PCDHA11: variants seen among roughly 807,000 people sequenced by gnomAD.
The protein encoded by PCDHA11 is protocadherin alpha 11, also known as protocadherin alpha-11.
A neutral mutation model predicts 70.3 loss-of-function variants in PCDHA11; 61 were observed. The ratio of observed to expected loss-of-function variants is 0.87; its 90% CI spans 0.71 to 1.07. The LOEUF (loss-of-function observed/expected upper bound fraction) is 1.07, where lower values mean the gene tolerates loss of function less well. PCDHA11 is among the 50% of genes least tolerant of loss of function. PCDHA11 has a pLI of 0.00. For missense variants in PCDHA11, 1,324 were observed against 1,237.5 expected (o/e 1.07, Z -1.05); for synonymous variants, 633 against 555.1 (o/e 1.14, Z -1.97).
At chr5:140,930,413 G>A (rs1461655739) in intron 1 of PCDHA11, 1 of 151,722 alleles carries the variant, frequency 6.6e-6, no homozygotes, top group Non-Finnish European at 1.5e-5. Flanking sequence ...TTTGAGACAG[G>A]GGTCTCACTA....
At chr5:140,913,657 G>A (rs1554196018) in intron 1 of PCDHA11, among the ~76,000 whole-genome samples, 1 of 152,170 alleles carries the variant, frequency 6.6e-6, no homozygotes, top group Non-Finnish European at 1.5e-5. Context: ...TCTTTAAGAT[G>A]TATAGTTAGG....
chr5:140,938,463 T>C (rs1399110046), intron 1 of PCDHA11, among the ~76,000 whole-genome samples: 1 of 152,216 alleles, frequency 6.6e-6, no homozygotes, highest in Non-Finnish European at 1.5e-5. Flanking sequence ...GTTTTTTAAT[T>C]TATTATGTTT....
chr5:140,982,487 A>G lies in PCDHA11; in HGVS notation c.2463A>G (p.Leu821=), dbSNP rs1417892860. 3 of 1,614,078 alleles carry G rather than the reference A, an allele frequency of 1.9e-6. No homozygotes were observed. Among genetic ancestry groups the G allele is most frequent in the Non-Finnish European group, 2.5e-6 (3 of 1,180,034 alleles). Residue 821 remains leucine (L), a synonymous_variant, in exon 3 of 4, where the codon CTA becomes CTG. Coordinates refer to ENST00000398640, the MANE Select transcript of PCDHA11 (RefSeq NM_018902.5). ...TGTGTTTATTCAGCTCTGTGCACCTAGAGGAGGCTGGCATTCTACGGGCTG... is the reference window on the plus strand; with the variant it reads ...TGTGTTTATTCAGCTCTGTGCACCTGGAGGAGGCTGGCATTCTACGGGCTG... The part of the protein sequence containing the change: ...LRAGMHSSVH[L]EEAGILRAGP...
chr5:141,009,582 G>A, intron 3 of PCDHA11, 45 bp from the exon 4 acceptor site: 1 of 1,590,226 alleles, frequency 6.3e-7, no homozygotes, highest in Non-Finnish European at 8.6e-7. Context: ...GGCATCAAGA[G>A]CATGTGTTGA....
intron 1 of PCDHA11, chr5:140,968,409 C>G: frequency 3.7e-6 from 6 of 1,614,024 alleles, no homozygotes; most frequent in South Asian, 1.1e-5. Context: ...TTCTTTGTGA[C>G]TGTGGAGGCT....
At chr5:141,009,488 C>T (rs2098409682) in intron 3 of PCDHA11, 139 bp from the exon 4 acceptor site, 4 of 1,469,622 alleles carry the variant, frequency 2.7e-6, no homozygotes, top group Non-Finnish European at 3.6e-6. Context: ...CTTGCCTTGC[C>T]CTCAGACTTG....
intron 3 of PCDHA11, among the ~76,000 whole-genome samples, chr5:140,983,854 T>A (rs1554245766): frequency 6.6e-6 from 1 of 152,206 alleles, no homozygotes; most frequent in Non-Finnish European, 1.5e-5. Flanking sequence ...TTAAGTAACA[T>A]GCAGCTAAGG....
In PCDHA11 at chr5:140,883,674, C is replaced by A. The variant is rs782029001; in HGVS notation, c.2391+12180C>A. The A allele has an allele frequency of 4.3e-5, 70 of 1,613,620 alleles. No homozygotes were observed. The highest frequency in any genetic ancestry group is 5.8e-5 in the Non-Finnish European group (69 of 1,179,878). On this transcript the variant is annotated intron_variant, in intron 1 of 3. Transcript: ENST00000398640. ...ACGGTGTTCGTGAAGGAAAACAATC[C>A]GCCGGGCTGCCACATCTTCACGGTG...
At chr5:140,896,710 T>C (rs1231459059) in intron 1 of PCDHA11, among the ~76,000 whole-genome samples, 2 of 152,160 alleles carry the variant, frequency 1.3e-5, no homozygotes, top group Non-Finnish European at 2.9e-5. Flanking sequence ...TGTTTGTTTT[T>C]TGCTTGTTAA....
intron 1 of PCDHA11, among the ~76,000 whole-genome samples, chr5:140,925,792 T>C (rs918762181): frequency 6.6e-6 from 1 of 152,170 alleles, no homozygotes. Flanking sequence ...AGTATCTCAG[T>C]ACTTTCCCCT....
At chr5:140,925,690 G>A (rs1029124411) in intron 1 of PCDHA11, among the ~76,000 whole-genome samples, 6 of 149,642 alleles carry the variant, frequency 4.0e-5, no homozygotes, top group African/African-American at 7.4e-5. Context: ...GCGAGGGTGG[G>A]TATCTAGCCT....
chr5:140,881,465 G>A, intron 1 of PCDHA11: 1 of 597,254 alleles, frequency 1.7e-6, no homozygotes, highest in Non-Finnish European at 2.1e-6. Flanking sequence ...TTAGAGCATT[G>A]TTGTGGCTAA....
chr5:141,010,312 G>C lies in PCDHA11; in HGVS notation c.*375G>C. On this transcript the variant is annotated 3_prime_UTR_variant, in exon 4 of 4. Transcript: ENST00000398640. ...TGCAGGGCAGGCTGAAAAGTTTTGA[G>C]ATTGAGCAGCTTGGGAGTTTGTGGC... is the stretch of plus-strand genomic sequence containing the variant. 1 of 1,547,400 alleles carries C rather than the reference G, an allele frequency of 6.5e-7. No individual in the cohort carries two copies. The highest frequency in any genetic ancestry group is 8.7e-7 in the Non-Finnish European group (1 of 1,145,752).
chr5:141,002,080 C>A (rs1220737696), intron 3 of PCDHA11, among the ~76,000 whole-genome samples: 1 of 152,236 alleles, frequency 6.6e-6, no homozygotes, highest in Non-Finnish European at 1.5e-5. Context: ...CGCCAAAGAA[C>A]GAGCAGTCCA....
chr5:140,960,402 G>C (rs2095546836), intron 1 of PCDHA11, among the ~76,000 whole-genome samples: 1 of 152,026 alleles, frequency 6.6e-6, no homozygotes, highest in African/African-American at 2.4e-5. Flanking sequence ...GCAAGGGGGG[G>C]TGCCCAAAAA....
chr5:140,897,769 C>T (rs1441051679), intron 1 of PCDHA11, among the ~76,000 whole-genome samples: 2 of 152,198 alleles, frequency 1.3e-5, no homozygotes, highest in Non-Finnish European at 2.9e-5. Flanking sequence ...GCCACACTGA[C>T]TTCCACAATG....
At chr5:140,917,941 T>C (rs1415827294) in intron 1 of PCDHA11, among the ~76,000 whole-genome samples, 1 of 152,146 alleles carries the variant, frequency 6.6e-6, no homozygotes, top group Non-Finnish European at 1.5e-5. Flanking sequence ...ATAATATTGG[T>C]AGTTTGATAG....
chr5:140,933,372 C>T (rs1332069734), intron 1 of PCDHA11, among the ~76,000 whole-genome samples: 2 of 151,918 alleles, frequency 1.3e-5, no homozygotes, highest in African/African-American at 2.4e-5. Flanking sequence ...TCCCAAATTC[C>T]TTGGCTGTTC....
chr5:140,933,629 C>G (rs958764636), intron 1 of PCDHA11, among the ~76,000 whole-genome samples: 1 of 151,846 alleles, frequency 6.6e-6, no homozygotes, highest in Non-Finnish European at 1.5e-5. Context: ...TTAGGCTGGC[C>G]CTGTTAAACA....
Sources: allele counts gnomAD v4.1 joint callset (sites outside exome capture counted in the v4.1 genomes callset), GRCh38; gene constraint gnomAD v4.1.1; transcripts MANE v1.5; gene names NCBI Gene and HGNC (gene_info 2026-07-23, HGNC 2026-07-21).